SEMA5A: variants seen among roughly 807,000 people sequenced by gnomAD.
SEMA5A encodes semaphorin-5A.
In SEMA5A, 55 loss-of-function variants were observed where a neutral mutation model predicts 135.5. The observed-to-expected ratio is 0.41, with a 90% CI of 0.33 to 0.51. The LOEUF (loss-of-function observed/expected upper bound fraction) is 0.51, where lower values mean the gene tolerates loss of function less well. Among genes scored for constraint, SEMA5A ranks in the 20% least tolerant of loss-of-function variants. SEMA5A has a pLI of 0.37. For synonymous variants in SEMA5A, 580 were observed against 546.5 expected (o/e 1.06, Z -0.85); for missense variants, 1,290 against 1,419.9 (o/e 0.91, Z 1.47).
intron 21 of SEMA5A, among the ~76,000 whole-genome samples, chr5:9,048,982 G>A (rs560587789): frequency 1.3e-5 from 2 of 152,202 alleles, no homozygotes; most frequent in Admixed American, 1.3e-4. Context: ...ATGATTGCTT[G>A]TCAGAGGGGC....
At chr5:9,281,111 C>A (rs1217596946) in intron 5 of SEMA5A, among the ~76,000 whole-genome samples, 2 of 152,076 alleles carry the variant, frequency 1.3e-5, no homozygotes, top group Non-Finnish European at 2.9e-5. Context: ...ATCAGAATTT[C>A]ATTTCTAATA....
intron 3 of SEMA5A, among the ~76,000 whole-genome samples, chr5:9,340,313 C>A (rs1233130733): frequency 6.6e-6 from 1 of 152,166 alleles, no homozygotes; most frequent in African/African-American, 2.4e-5. Flanking sequence ...GGCTCACATC[C>A]AATCTTCAAA....
intron 16 of SEMA5A, among the ~76,000 whole-genome samples, chr5:9,069,082 T>C (rs890396840): frequency 6.6e-6 from 1 of 152,244 alleles, no homozygotes; most frequent in Non-Finnish European, 1.5e-5. Context: ...CACCGGGGTC[T>C]GGTTGCAGAA....
intron 11 of SEMA5A, among the ~76,000 whole-genome samples, chr5:9,158,046 G>A (rs530894061): frequency 6.6e-6 from 1 of 152,222 alleles, no homozygotes; most frequent in Non-Finnish European, 1.5e-5. Flanking sequence ...TATGATGTAT[G>A]TGTAGTGGCT....
At chr5:9,468,794 T>C (rs375467875) in intron 1 of SEMA5A, among the ~76,000 whole-genome samples, 5 of 152,226 alleles carry the variant, frequency 3.3e-5, no homozygotes, top group African/African-American at 9.6e-5. Flanking sequence ...TCCCTTTTCA[T>C]GAATATTTCT....
chr5:9,345,765 T>C (rs1206104505), intron 3 of SEMA5A, among the ~76,000 whole-genome samples: 2 of 152,202 alleles, frequency 1.3e-5, no homozygotes, highest in Non-Finnish European at 2.9e-5. Context: ...ATGTGGATTA[T>C]AGTCATATTG....
At chr5:9,441,278 A>G (rs1226821818) in intron 1 of SEMA5A, among the ~76,000 whole-genome samples, 1 of 152,234 alleles carries the variant, frequency 6.6e-6, no homozygotes, top group East Asian at 1.9e-4. Context: ...AGATTTCTGA[A>G]AATGGGAAAT....
chr5:9,108,016 C>T, intron 16 of SEMA5A, 124 bp downstream of exon 16: 1 of 1,249,554 alleles, frequency 8.0e-7, no homozygotes, highest in Non-Finnish European at 1.1e-6. Context: ...TGTGCAGAGC[C>T]TCTAGTGTGT....
In SEMA5A at chr5:9,509,518, A is replaced by T. The variant is rs191955187; in HGVS notation, c.-175+36066T>A. On this transcript the variant is annotated intron_variant, in intron 1 of 22. Coordinates refer to ENST00000382496, the MANE Select transcript of SEMA5A (RefSeq NM_003966.3). ...TCGAACCCCTGACCTCAGGTGATCC[A>T]CCCACCTTGGCCTCCCAAAGTGCTG... is the stretch of plus-strand genomic sequence containing the variant. Among the ~76,000 whole-genome samples the T allele has an allele frequency of 6.2e-3, 946 of 151,966 alleles. 9 individuals carry two copies. Among genetic ancestry groups the T allele is most frequent in the African/African-American group, 0.022 (896 of 41,454 alleles).
chr5:9,449,414 T>G (rs1315190918), intron 1 of SEMA5A, among the ~76,000 whole-genome samples: 1 of 152,000 alleles, frequency 6.6e-6, no homozygotes, highest in African/African-American at 2.4e-5. Flanking sequence ...TTGGGACCTG[T>G]TGGGAGCATG....
At chr5:9,074,115 T>A (rs1461300725) in intron 16 of SEMA5A, among the ~76,000 whole-genome samples, 1 of 152,084 alleles carries the variant, frequency 6.6e-6, no homozygotes, top group Non-Finnish European at 1.5e-5. Context: ...GGTACAATAA[T>A]CAAGATTCTG....
intron 8 of SEMA5A, among the ~76,000 whole-genome samples, chr5:9,219,841 G>A (rs1367073015): frequency 1.3e-5 from 2 of 152,188 alleles, no homozygotes; most frequent in African/African-American, 2.4e-5. Context: ...GGTAGGCTGA[G>A]CTGAAAGTAC....
In SEMA5A at chr5:9,202,251, T is replaced by A. The variant is rs201813394; in HGVS notation, c.647-11A>T. The A allele has an allele frequency of 6.2e-7, 1 of 1,608,254 alleles. No individual in the cohort carries two copies. The highest frequency in any genetic ancestry group is 8.5e-7 in the Non-Finnish European group (1 of 1,176,138). Reference sequence around the variant, plus strand: ...ACACAAAGTTTGGCTCTGGAAACAATAGAAAAGAGGGAAAAAATCTCAACA... The same window carrying A: ...ACACAAAGTTTGGCTCTGGAAACAAAAGAAAAGAGGGAAAAAATCTCAACA... On this transcript the variant is annotated splice_polypyrimidine_tract_variant and intron_variant, in intron 8 of 22. Transcript: ENST00000382496.
At chr5:9,416,127 G>A (rs1220138966) in intron 2 of SEMA5A, among the ~76,000 whole-genome samples, 1 of 152,050 alleles carries the variant, frequency 6.6e-6, no homozygotes, top group Admixed American at 6.5e-5. Context: ...TTATGGCAGT[G>A]GGTCATCAGA....
chr5:9,289,430 G>A (rs901978094), intron 5 of SEMA5A, among the ~76,000 whole-genome samples: 3 of 152,048 alleles, frequency 2.0e-5, no homozygotes, highest in Non-Finnish European at 4.4e-5. Flanking sequence ...AATTTCTTGG[G>A]AGGCTGAGGC....
intron 2 of SEMA5A, among the ~76,000 whole-genome samples, chr5:9,412,591 A>ATTTTTTTTTTTTTT: frequency 9.1e-6 from 1 of 110,362 alleles, no homozygotes; most frequent in Non-Finnish European, 1.8e-5. Flanking sequence ...CAGATTTTGC[A>ATTTTTTTTTTTTTT]TTTTTTTTTT....
At position 9,204,847 on chromosome 5, in the gene SEMA5A, G is replaced by A. The variant is rs1292130363; in HGVS notation, c.647-2607C>T. The stretch of plus-strand genomic sequence containing the variant: ...GAGCTCCGCCTCCCGTCAGATCAGT[G>A]GCAGCATTAAATTCTCATAGGAGCA... On this transcript the variant is annotated intron_variant, in intron 8 of 22. Transcript: ENST00000382496. The surrounding 1 kb of genome is among the most constrained non-coding windows in gnomAD (Gnocchi z 6.4). Among the ~76,000 whole-genome samples the A allele has an allele frequency of 6.6e-6, 1 of 152,098 alleles. No individual in the cohort carries two copies. The highest frequency in any genetic ancestry group is 1.5e-5 in the Non-Finnish European group (1 of 68,002).
chr5:9,320,637 G>A (rs574378335), intron 4 of SEMA5A, among the ~76,000 whole-genome samples: 4 of 152,336 alleles, frequency 2.6e-5, no homozygotes, highest in Admixed American at 1.3e-4. Context: ...AGGATCCATT[G>A]AGCCTGGGAG....
intron 1 of SEMA5A, among the ~76,000 whole-genome samples, chr5:9,501,385 G>A (rs777315758): frequency 3.0e-4 from 45 of 151,794 alleles, no homozygotes; most frequent in Admixed American, 5.9e-4. Flanking sequence ...ATGTGTCTAC[G>A]TGTGTGTGTA....
Sources: allele counts gnomAD v4.1 joint callset (sites outside exome capture counted in the v4.1 genomes callset), GRCh38; gene constraint gnomAD v4.1.1; non-coding constraint Gnocchi (gnomAD v3.1); transcripts MANE v1.5; gene names NCBI Gene and HGNC (gene_info 2026-07-23, HGNC 2026-07-21).